ABTB2: variants seen among roughly 807,000 people sequenced by gnomAD.
The protein encoded by ABTB2 is ankyrin repeat and BTB/POZ domain-containing protein 2.
Under a neutral mutation model 104.1 loss-of-function variants are expected in ABTB2, and 56 were observed. The observed-to-expected ratio is 0.54, with a 90% CI of 0.43 to 0.67. The LOEUF (loss-of-function observed/expected upper bound fraction) is 0.67, where lower values mean the gene tolerates loss of function less well. ABTB2 is among the 30% of genes least tolerant of loss of function. ABTB2 has a pLI of 0.00. For synonymous variants in ABTB2, 606 were observed against 608.2 expected (o/e 1.00, Z 0.05); for missense variants, 1,279 against 1,407.7 (o/e 0.91, Z 1.46).
chr11:34,241,969 C>A (rs1327116594), intron 1 of ABTB2, among the ~76,000 whole-genome samples: 2 of 152,248 alleles, frequency 1.3e-5, no homozygotes, highest in Non-Finnish European at 2.9e-5. Context: ...ATTGATTGAG[C>A]CTCCTGGCCC....
At chr11:34,276,370 A>G (rs757366548) in intron 1 of ABTB2, among the ~76,000 whole-genome samples, 9 of 152,228 alleles carry the variant, frequency 5.9e-5, no homozygotes, top group Non-Finnish European at 8.8e-5. Context: ...CTTGGCTACA[A>G]ATAAAACCAA....
At chr11:34,222,188 A>G (rs1714147183) in intron 1 of ABTB2, among the ~76,000 whole-genome samples, 1 of 152,224 alleles carries the variant, frequency 6.6e-6, no homozygotes, top group Non-Finnish European at 1.5e-5. Flanking sequence ...AGGGTTATCA[A>G]TAGAAAGGAA....
At chr11:34,323,533 T>G (rs1855030452) in intron 1 of ABTB2, among the ~76,000 whole-genome samples, 1 of 152,222 alleles carries the variant, frequency 6.6e-6, no homozygotes, top group African/African-American at 2.4e-5. Flanking sequence ...TCCAAGATCT[T>G]TGCACTATCG....
intron 3 of ABTB2, among the ~76,000 whole-genome samples, chr11:34,174,072 C>T (rs1052797222): frequency 1.3e-4 from 20 of 152,156 alleles, no homozygotes; most frequent in Non-Finnish European, 7.4e-5. Context: ...CGGTGGCTCA[C>T]GCCTGTAACC....
At chr11:34,285,366 TA>T (rs1854492480) in intron 1 of ABTB2, among the ~76,000 whole-genome samples, 1 of 152,084 alleles carries the variant, frequency 6.6e-6, no homozygotes, top group Admixed American at 6.6e-5. Flanking sequence ...TAGCAGGACC[TA>T]GTGCGTGCTT....
chr11:34,310,997 A>G (rs1160421386), intron 1 of ABTB2, among the ~76,000 whole-genome samples: 1 of 152,174 alleles, frequency 6.6e-6, no homozygotes, highest in Admixed American at 6.5e-5. Flanking sequence ...GCTGGTCCTG[A>G]GGAAACCACA....
In ABTB2 at chr11:34,154,009, G is replaced by A. The variant is rs1268412132; in HGVS notation, c.2880+256C>T. 6.6e-6 allele frequency among the ~76,000 whole-genome samples: 1 copy of A among 152,162 alleles called. No individual in the cohort carries two copies. The highest frequency in any genetic ancestry group is 1.9e-4 in the East Asian group (1 of 5,192). ...CAACTTGTCCAGCTACCACAGCCCA[G>A]GTGGCAGAGCTGGAATGTGAACTAG... On this transcript the variant is annotated intron_variant, in intron 16 of 16. Transcript: ENST00000435224. This position sits in a 1 kb window ranked among gnomAD's most constrained non-coding sequence, Gnocchi z 4.9.
At chr11:34,218,693 C>T (rs1175070878) in intron 1 of ABTB2, among the ~76,000 whole-genome samples, 1 of 151,658 alleles carries the variant, frequency 6.6e-6, no homozygotes, top group Non-Finnish European at 1.5e-5. Flanking sequence ...CTACTAAAAA[C>T]ACAAAATTAG....
intron 1 of ABTB2, among the ~76,000 whole-genome samples, chr11:34,288,630 G>C (rs1305922388): frequency 1.3e-5 from 2 of 152,078 alleles, no homozygotes; most frequent in African/African-American, 4.8e-5. Context: ...GGAGGGTAGG[G>C]GCGGGAGGGG....
At chr11:34,316,807 A>G (rs979523098) in intron 1 of ABTB2, among the ~76,000 whole-genome samples, 2 of 152,240 alleles carry the variant, frequency 1.3e-5, no homozygotes. Flanking sequence ...GACTACATTA[A>G]GGGTATACAA....
intron 1 of ABTB2, among the ~76,000 whole-genome samples, chr11:34,249,078 G>A (rs531655535): frequency 7.9e-4 from 121 of 152,236 alleles, no homozygotes; most frequent in Non-Finnish European, 1.5e-3. Context: ...GCAGTGAGCC[G>A]GGATCGTGCC....
At chr11:34,284,556 G>C (rs933920675) in intron 1 of ABTB2, among the ~76,000 whole-genome samples, 2 of 152,202 alleles carry the variant, frequency 1.3e-5, no homozygotes, top group African/African-American at 4.8e-5. Flanking sequence ...TGGCTTCCAT[G>C]AAAGCTGACG....
At chr11:34,317,964 T>TC (rs375723848) in intron 1 of ABTB2, among the ~76,000 whole-genome samples, 2,577 of 86,542 alleles carry the variant, frequency 0.03, 58 homozygotes, top group African/African-American at 0.094. Context: ...CACGTCCCCC[T>TC]CCCCTACCTC....
intron 9 of ABTB2, among the ~76,000 whole-genome samples, chr11:34,164,107 A>ATCCAGCCCCACTTT (rs1852762329): frequency 6.6e-6 from 1 of 150,714 alleles, no homozygotes; most frequent in African/African-American, 2.4e-5. Context: ...AGCCCTGCTT[A>ATCCAGCCCCACTTT]TCCAGCCCCG....
chr11:34,159,371 C>A lies in ABTB2; in HGVS notation c.2622G>T (p.Met874Ile). ...VTASNRFKTLMTNKSEQDGDS... is the reference protein window; with the variant it reads ...VTASNRFKTLITNKSEQDGDS... The stretch of plus-strand genomic sequence containing the variant: ...CCCCATCCTGTTCTGATTTATTGGT[C>A]ATTAGTGTCTTGAACCTGGAGCAAA... Residue 874 changes from methionine to isoleucine, a missense_variant, in exon 14 of 17, where the codon ATG (methionine) becomes ATT (isoleucine). Coordinates refer to ENST00000435224, the MANE Select transcript of ABTB2 (RefSeq NM_145804.3). 1 of 1,613,716 alleles carries A rather than the reference C, an allele frequency of 6.2e-7. No individual in the cohort carries two copies. The highest frequency in any genetic ancestry group is 8.5e-7 in the Non-Finnish European group (1 of 1,179,702).
At chr11:34,158,167 C>T (rs2133001768) in intron 14 of ABTB2, among the ~76,000 whole-genome samples, 1 of 152,370 alleles carries the variant, frequency 6.6e-6, no homozygotes, top group South Asian at 2.1e-4. Flanking sequence ...GTAATCCCAG[C>T]ACTTTGGGAG....
At chr11:34,282,511 ACTTTTCTTTTTT>A (rs1359841098) in intron 1 of ABTB2, among the ~76,000 whole-genome samples, 3 of 152,012 alleles carry the variant, frequency 2.0e-5, no homozygotes, top group South Asian at 2.1e-4. Context: ...GATGTAACGT[ACTTTTCTTTTTT>A]CTTTTCTTTT....
intron 3 of ABTB2, among the ~76,000 whole-genome samples, chr11:34,180,304 G>A (rs772318313): frequency 1.1e-4 from 16 of 152,246 alleles, no homozygotes; most frequent in Non-Finnish European, 2.2e-4. Context: ...GGCCTTGGCA[G>A]TGAAAAAACT....
chr11:34,196,629 G>A (rs1214506292), intron 3 of ABTB2, among the ~76,000 whole-genome samples: 1 of 152,222 alleles, frequency 6.6e-6, no homozygotes, highest in African/African-American at 2.4e-5. Flanking sequence ...CCCTCATTGG[G>A]TTCTGTTGTG....
Sources: gnomAD v4.1 joint callset for allele counts (sites outside exome capture counted in the v4.1 genomes callset) on GRCh38, gnomAD v4.1.1 for gene constraint, Gnocchi (gnomAD v3.1) non-coding constraint, MANE v1.5 for transcripts, NCBI Gene and HGNC (gene_info 2026-07-23, HGNC 2026-07-21) for gene names.